The following PRKD1 variants were observed in gnomAD, a reference collection of about 807,000 sequenced individuals.
PRKD1 encodes protein kinase D1.
PRKD1 carries 63 observed loss-of-function variants against 95.9 expected under a neutral mutation model. That is an observed-to-expected ratio of 0.66 (90% CI 0.54 to 0.81). The LOEUF (loss-of-function observed/expected upper bound fraction) is 0.81, where lower values mean the gene tolerates loss of function less well. PRKD1 is among the 30% of genes least tolerant of loss of function. PRKD1 has a pLI of 0.00. For synonymous variants in PRKD1, 425 were observed against 423.1 expected, an observed-to-expected ratio of 1.00 and a Z score of -0.05; for missense variants, 1,048 against 1,165.3, an observed-to-expected ratio of 0.90 and a Z score of 1.47.
chr14:29,865,222 G>C (rs1892849493), intron 1 of PRKD1, among the ~76,000 whole-genome samples: 3 of 152,146 alleles, frequency 2.0e-5, no homozygotes, highest in African/African-American at 7.2e-5. Context: ...GTGGGTGACT[G>C]TTTGTCTTAT....
At chr14:29,577,592 T>A (rs1892603649) in intron 17 of PRKD1, 136 bp from the exon 18 acceptor site, 4 of 830,110 alleles carry the variant, frequency 4.8e-6, no homozygotes, top group Non-Finnish European at 7.7e-6. Context: ...TCATCACGCA[T>A]CCTCAAGTGA....
At chr14:29,847,880 C>A (rs1050730272) in intron 1 of PRKD1, among the ~76,000 whole-genome samples, 2 of 152,030 alleles carry the variant, frequency 1.3e-5, no homozygotes, top group African/African-American at 2.4e-5. Flanking sequence ...CTCTCTCTCC[C>A]CCCCCACCAA....
At chr14:29,742,277 A>G (rs1259098611) in intron 1 of PRKD1, among the ~76,000 whole-genome samples, 1 of 152,174 alleles carries the variant, frequency 6.6e-6, no homozygotes, top group Non-Finnish European at 1.5e-5. Context: ...CCACCCCAAC[A>G]TTAGTGACGT....
chr14:29,805,755 T>C (rs1890206101), intron 1 of PRKD1, among the ~76,000 whole-genome samples: 1 of 152,210 alleles, frequency 6.6e-6, no homozygotes, highest in African/African-American at 2.4e-5. Context: ...ATTCAACCCT[T>C]GGCAGGCTGC....
intron 1 of PRKD1, among the ~76,000 whole-genome samples, chr14:29,811,182 C>A (rs571569999): frequency 1.3e-5 from 2 of 152,140 alleles, no homozygotes; most frequent in African/African-American, 4.8e-5. Flanking sequence ...TCCTTTCTTC[C>A]GCAGCTTCCC....
At chr14:29,889,192 G>A (rs1893849445) in intron 1 of PRKD1, among the ~76,000 whole-genome samples, 1 of 152,142 alleles carries the variant, frequency 6.6e-6, no homozygotes, top group Admixed American at 6.5e-5. Context: ...ACAAGCATAC[G>A]GAGCCTTTAC....
rs547418224 is a variant in PRKD1 at position 29,919,968 on chromosome 14, G to C, written c.264+7281C>G. Among the ~76,000 whole-genome samples the C allele has an allele frequency of 8.3e-5, 12 of 145,240 alleles. No individual in the cohort carries two copies. In the South Asian group the frequency reaches 2.6e-3, roughly 32 times the overall value. On this transcript the variant is annotated intron_variant, in intron 1 of 17. Coordinates refer to ENST00000331968, the MANE Select transcript of PRKD1 (RefSeq NM_002742.3). ...GTGACTAAAGTGAGACCCTGAGAAA[G>C]AGAGAGAGAGAGAGAGAAAGAGAGG...
At chr14:29,606,002 T>C (rs1893690312) in intron 13 of PRKD1, among the ~76,000 whole-genome samples, 2 of 152,228 alleles carry the variant, frequency 1.3e-5, no homozygotes, top group African/African-American at 4.8e-5. Context: ...TCATAAGTAA[T>C]GACTTTTTTT....
intron 1 of PRKD1, among the ~76,000 whole-genome samples, chr14:29,825,822 CACTAT>C (rs1891086273): frequency 6.6e-6 from 1 of 151,932 alleles, no homozygotes; most frequent in South Asian, 2.1e-4. Context: ...CCTCCTCCTC[CACTAT>C]ACAGGCAGGC....
chr14:29,730,563 A>C (rs944925533), intron 1 of PRKD1, among the ~76,000 whole-genome samples: 1 of 152,162 alleles, frequency 6.6e-6, no homozygotes, highest in Non-Finnish European at 1.5e-5. Context: ...TCAAAGAGAA[A>C]ACTGCATTCC....
In PRKD1 at chr14:29,899,627, A is replaced by G. The variant is rs1374576111; in HGVS notation, c.264+27622T>C. Among the ~76,000 whole-genome samples the G allele has an allele frequency of 2.6e-5, 4 of 152,230 alleles. No individual in the cohort carries two copies. The South Asian group carries it at 8.3e-4, about 32-fold the overall frequency. On this transcript the variant is annotated intron_variant, in intron 1 of 17. Transcript: ENST00000331968. ...ACGCCACTGCACTCCATACTGGGTA[A>G]CAGAGAGAGATTGTGTCTCAAAAAC...
chr14:29,662,658 G>A (rs1882247687), intron 4 of PRKD1, among the ~76,000 whole-genome samples: 1 of 151,820 alleles, frequency 6.6e-6, no homozygotes, highest in Admixed American at 6.6e-5. Context: ...AAAAAATTTT[G>A]GTGATATAAA....
intron 8 of PRKD1, among the ~76,000 whole-genome samples, chr14:29,633,545 T>C (rs941646405): frequency 1.3e-5 from 2 of 152,160 alleles, no homozygotes; most frequent in Admixed American, 6.5e-5. Context: ...CTAACCACTA[T>C]GATTTGATGA....
In PRKD1 at chr14:29,866,567, C is replaced by T. The variant is rs1892914346; in HGVS notation, c.264+60682G>A. On this transcript the variant is annotated intron_variant, in intron 1 of 17. Transcript: ENST00000331968. ...GACAAAGAATAAAATACAGTGAAAG[C>T]ACAGACAAAAGGAGGCAGACACAAC... Among the ~76,000 whole-genome samples, 3 of 152,066 alleles carry T rather than the reference C, an allele frequency of 2.0e-5. No homozygotes were observed. The South Asian group carries it at 6.2e-4, about 32-fold the overall frequency.
At chr14:29,922,239 T>C (rs1294229222) in intron 1 of PRKD1, among the ~76,000 whole-genome samples, 3 of 148,918 alleles carry the variant, frequency 2.0e-5, no homozygotes, top group Non-Finnish European at 4.4e-5. Context: ...AGGCAGAGTT[T>C]GCAGTGAGCC....
intron 16 of PRKD1, among the ~76,000 whole-genome samples, chr14:29,584,471 T>C (rs1336586942): frequency 1.3e-5 from 2 of 152,194 alleles, no homozygotes; most frequent in Non-Finnish European, 2.9e-5. Flanking sequence ...TTTCAATACA[T>C]GCCTATCTCC....
chr14:29,888,423 A>G (rs1165043766), intron 1 of PRKD1, among the ~76,000 whole-genome samples: 1 of 152,226 alleles, frequency 6.6e-6, no homozygotes, highest in African/African-American at 2.4e-5. Context: ...GCCTATAGAA[A>G]GACATACCAA....
rs1887588177 is a variant in PRKD1, at chr14:29,753,930, AT to A, written c.265-28257del. 7.2e-5 allele frequency among the ~76,000 whole-genome samples: 11 copies of A among 152,210 alleles called. No individual in the cohort carries two copies. In the South Asian group the frequency reaches 2.3e-3, roughly 32 times the overall value. On this transcript the variant is annotated intron_variant, in intron 1 of 17. Transcript: ENST00000331968. Reference sequence around the variant, plus strand: ...TGCCTCCTTACGTACCTGTGTGAGAATTTTTTTGAGAACATACGTATGCAAA... The same window carrying A: ...TGCCTCCTTACGTACCTGTGTGAGAATTTTTTGAGAACATACGTATGCAAA...
intron 1 of PRKD1, among the ~76,000 whole-genome samples, chr14:29,810,861 C>T (rs1890453788): frequency 6.6e-6 from 1 of 152,166 alleles, no homozygotes; most frequent in Non-Finnish European, 1.5e-5. Flanking sequence ...GGGCAGTTTG[C>T]CATTTCCTTG....
Sources: gnomAD v4.1 joint callset for allele counts (sites outside exome capture counted in the v4.1 genomes callset) on GRCh38, gnomAD v4.1.1 for gene constraint, MANE v1.5 for transcripts, NCBI Gene and HGNC (gene_info 2026-07-23, HGNC 2026-07-21) for gene names.